SH2D4B: variants seen among roughly 807,000 people sequenced by gnomAD.
The protein encoded by SH2D4B is SH2 domain containing 4B.
SH2D4B carries 45 observed loss-of-function variants against 61.5 expected under a neutral mutation model. The observed-to-expected ratio is 0.73, with a 90% CI of 0.58 to 0.94. The LOEUF is 0.94. SH2D4B is among the 40% of genes least tolerant of loss of function. The pLI is 0.00. For synonymous variants in SH2D4B, 224 were observed against 220.4 expected (o/e 1.02, Z -0.14); for missense variants, 572 against 574.2 (o/e 1.00, Z 0.04).
intron 3 of SH2D4B, among the ~76,000 whole-genome samples, chr10:80,575,489 A>G (rs4291622): frequency 0.39 from 58,833 of 151,994 alleles, 13,573 homozygotes; most frequent in African/African-American, 0.65. Context: ...GGCTGGGCAC[A>G]GTGGCTCACA....
rs115204460 is a variant in SH2D4B at position 80,586,830 on chromosome 10, C to G, written c.496-1800C>G. ...CGCTGCCTTTATGAGCTGTAACACTCATAGTGAAGGTCTGCAGCTGCACTC... is the reference window on the plus strand; with the variant it reads ...CGCTGCCTTTATGAGCTGTAACACTGATAGTGAAGGTCTGCAGCTGCACTC... On this transcript the variant is annotated intron_variant, in intron 3 of 7. Transcript: ENST00000646907. Among the ~76,000 whole-genome samples the G allele has an allele frequency of 5.4e-3, 824 of 152,316 alleles. 7 individuals carry two copies. Among genetic ancestry groups the G allele is most frequent in the African/African-American group, 0.019 (787 of 41,564 alleles).
intron 3 of SH2D4B, among the ~76,000 whole-genome samples, chr10:80,572,975 T>C (rs1842074645): frequency 9.7e-5 from 1 of 10,304 alleles, no homozygotes; most frequent in Non-Finnish European, 1.7e-4. Context: ...TATATATATA[T>C]ATATATATAT....
chr10:80,631,579 A>C (rs1215333723), intron 6 of SH2D4B, among the ~76,000 whole-genome samples: 1 of 152,246 alleles, frequency 6.6e-6, no homozygotes. Flanking sequence ...AGTTGAATGG[A>C]TAAAGAGATG....
At chr10:80,577,087 G>T (rs1464456487) in intron 3 of SH2D4B, among the ~76,000 whole-genome samples, 1 of 152,192 alleles carries the variant, frequency 6.6e-6, no homozygotes, top group Non-Finnish European at 1.5e-5. Flanking sequence ...TTTGAGGAAA[G>T]ACTATAACGG....
chr10:80,609,279 C>T, intron 5 of SH2D4B, 145 bp from the exon 6 acceptor site: 1 of 717,898 alleles, frequency 1.4e-6, no homozygotes, highest in Non-Finnish European at 2.2e-6. Context: ...TCTCATGGCC[C>T]TCCCCTGCCC....
intron 6 of SH2D4B, among the ~76,000 whole-genome samples, chr10:80,616,155 A>G (rs1842657597): frequency 6.6e-6 from 1 of 152,188 alleles, no homozygotes; most frequent in Non-Finnish European, 1.5e-5. Context: ...TATGATACCC[A>G]TCTTGAAATA....
Position 80,621,279 on chromosome 10 carries a change from G to A in SH2D4B, c.988+11728G>A, listed in dbSNP as rs144830800. On this transcript the variant is annotated intron_variant, in intron 6 of 7. Transcript: ENST00000646907. ...CTGCAGTGCACAAGGCAGCCCCGCC[G>A]GACAGGCAAAATGTCAGCAGTGTTG... is the stretch of plus-strand genomic sequence containing the variant. Among the ~76,000 whole-genome samples the A allele has an allele frequency of 8.1e-4, 124 of 152,304 alleles. 1 individual carries two copies. Among genetic ancestry groups the A allele is most frequent in the East Asian group, 5.4e-3 (28 of 5,184 alleles).
intron 1 of SH2D4B, among the ~76,000 whole-genome samples, chr10:80,546,402 C>A (rs1841681217): frequency 6.6e-6 from 1 of 152,016 alleles, no homozygotes; most frequent in African/African-American, 2.4e-5. Flanking sequence ...TTAGCCTGAC[C>A]AATGCTACTT....
intron 7 of SH2D4B, 23 bp downstream of exon 7, chr10:80,634,528 TGGG>T: frequency 6.5e-7 from 1 of 1,544,672 alleles, no homozygotes; most frequent in Non-Finnish European, 8.7e-7. Flanking sequence ...GGGATACTAA[TGGG>T]GGGGAGGGGG....
At chr10:80,576,143 G>A (rs1425637286) in intron 3 of SH2D4B, among the ~76,000 whole-genome samples, 3 of 152,130 alleles carry the variant, frequency 2.0e-5, no homozygotes, top group Non-Finnish European at 1.5e-5. Flanking sequence ...TATGAGTGGA[G>A]GTTTTCTGGT....
intron 3 of SH2D4B, among the ~76,000 whole-genome samples, chr10:80,585,424 C>T (rs1352394966): frequency 6.6e-6 from 1 of 151,626 alleles, no homozygotes; most frequent in Admixed American, 6.6e-5. Context: ...AAGTGATTCT[C>T]CTGCCTCAGC....
At chr10:80,593,581 T>C (rs1589349181) in intron 4 of SH2D4B, among the ~76,000 whole-genome samples, 1 of 152,360 alleles carries the variant, frequency 6.6e-6, no homozygotes, top group African/African-American at 2.4e-5. Context: ...GTTTATTAGC[T>C]GGAATGTATC....
intron 7 of SH2D4B, chr10:80,642,906 C>T (rs528730156): frequency 9.2e-5 from 14 of 152,630 alleles, no homozygotes; most frequent in East Asian, 3.8e-4. Flanking sequence ...GCTGTTTCCC[C>T]GCACTGCTGC....
chr10:80,549,422 G>C (rs771585064), intron 1 of SH2D4B, among the ~76,000 whole-genome samples: 1 of 152,182 alleles, frequency 6.6e-6, no homozygotes, highest in Non-Finnish European at 1.5e-5. Flanking sequence ...CCAGCCTCCT[G>C]TTCTGCCTCC....
chr10:80,626,628 C>T (rs1420182890), intron 6 of SH2D4B, among the ~76,000 whole-genome samples: 2 of 152,192 alleles, frequency 1.3e-5, no homozygotes, highest in Non-Finnish European at 2.9e-5. Flanking sequence ...TGTGTCATGC[C>T]TGGTCTTCAT....
intron 6 of SH2D4B, among the ~76,000 whole-genome samples, chr10:80,620,045 G>C (rs1214027953): frequency 6.6e-6 from 1 of 152,216 alleles, no homozygotes; most frequent in East Asian, 1.9e-4. Context: ...AGAGACTTCA[G>C]TAGGCTTTGT....
At chr10:80,567,521 G>A (rs1162191200) in intron 1 of SH2D4B, among the ~76,000 whole-genome samples, 1 of 152,168 alleles carries the variant, frequency 6.6e-6, no homozygotes, top group Non-Finnish European at 1.5e-5. Context: ...AGGTCTGAAT[G>A]TGCTGAGAAG....
In SH2D4B at chr10:80,596,468, G is replaced by A. The variant is rs561676172; in HGVS notation, c.644-7111G>A. Among the ~76,000 whole-genome samples the A allele has an allele frequency of 4.6e-5, 7 of 152,288 alleles. No individual in the cohort carries two copies. In the South Asian group the frequency reaches 1.4e-3, roughly 32 times the overall value. On this transcript the variant is annotated intron_variant, in intron 4 of 7. Coordinates refer to ENST00000646907, the MANE Select transcript of SH2D4B (RefSeq NM_001388272.1). ...GCTCAGACTCAATAGGGAGGTCGGG[G>A]CATCAGGCGCAAATGAAGGCTTTTC... is the stretch of plus-strand genomic sequence containing the variant.
intron 1 of SH2D4B, among the ~76,000 whole-genome samples, chr10:80,540,665 C>T (rs1237796604): frequency 1.3e-5 from 2 of 152,192 alleles, no homozygotes; most frequent in East Asian, 1.9e-4. Flanking sequence ...GCTGTGCACA[C>T]ATTCACTTGT....
Sources: allele counts gnomAD v4.1 joint callset (sites outside exome capture counted in the v4.1 genomes callset), GRCh38; gene constraint gnomAD v4.1.1; transcripts MANE v1.5; gene names NCBI Gene and HGNC (gene_info 2026-07-23, HGNC 2026-07-21).